FAT3: variants seen among roughly 807,000 people sequenced by gnomAD.
The protein encoded by FAT3 is FAT atypical cadherin 3, also known as protocadherin Fat 3.
Under a neutral mutation model 310.2 loss-of-function variants are expected in FAT3, and 95 were observed. That is an observed-to-expected ratio of 0.31 (90% confidence interval 0.26 to 0.36). FAT3 has a LOEUF of 0.36. Ranked by LOEUF, FAT3 falls within the 10% of genes least tolerant of loss-of-function variation. The pLI is 1.00. For missense variants in FAT3, 5,408 were observed against 5,715.6 expected (o/e 0.95, Z 1.74); for synonymous variants, 2,314 against 2,192.9 (o/e 1.06, Z -1.54).
At chr11:92,302,096 A>T (rs1350671675) in intron 1 of FAT3, among the ~76,000 whole-genome samples, 1 of 152,150 alleles carries the variant, frequency 6.6e-6, no homozygotes, top group Non-Finnish European at 1.5e-5. Context: ...ATATGTATAT[A>T]CATACTCATG....
intron 2 of FAT3, among the ~76,000 whole-genome samples, chr11:92,512,433 T>C (rs1028409536): frequency 3.3e-5 from 5 of 150,516 alleles, no homozygotes; most frequent in Admixed American, 2.0e-4. Context: ...CAAAATGACT[T>C]TCCTAGTAAA....
intron 1 of FAT3, among the ~76,000 whole-genome samples, chr11:92,351,013 C>T (rs1948549584): frequency 6.6e-6 from 1 of 152,120 alleles, no homozygotes; most frequent in Admixed American, 6.5e-5. Context: ...ATTGATTTTA[C>T]TGGCTAAAAT....
At position 92,503,630 on chromosome 11, in the gene FAT3, T is replaced by G. The variant is rs576449497; in HGVS notation, c.3293-21004T>G. On this transcript the variant is annotated intron_variant, in intron 2 of 27. Transcript: ENST00000525166. ...TCTAGAATCAATCTCTCAACCTCTC[T>G]CTTTCTTTTGTTCTCACACAAACAT... Among the ~76,000 whole-genome samples the G allele has an allele frequency of 2.0e-5, 3 of 152,246 alleles. No homozygotes were observed. In the South Asian group the frequency reaches 6.2e-4, roughly 32 times the overall value.
chr11:92,798,988 C>T lies in FAT3; in HGVS notation c.5975C>T (p.Ser1992Leu). 1 of 1,613,928 alleles carries T rather than the reference C, an allele frequency of 6.2e-7. No homozygotes were observed. Among genetic ancestry groups the T allele is most frequent in the Non-Finnish European group, 8.5e-7 (1 of 1,179,866 alleles). The change falls in exon 10 of 28, where the codon TCA (serine) becomes TTA (leucine). Residue 1992 changes from serine to leucine, a missense_variant. Ser to Leu is a moderately radical substitution (Grantham distance 145, BLOSUM62 -2). Around this residue, in one of 5 missense-constraint regions of FAT3, gnomAD observed 4,588 missense variants for 4,809.8 expected, o/e 0.95. Coordinates refer to ENST00000525166, the MANE Select transcript of FAT3 (RefSeq NM_001367949.2). ...CAAAGCTTCTATTCCACCTCAATCT[C>T]AGAGAACAACACTAACATAACCAAA... Reference protein sequence around the residue: ...FTQSFYSTSISENNTNITKVA... With the variant: ...FTQSFYSTSILENNTNITKVA...
chr11:92,507,776 C>T (rs1444900733), intron 2 of FAT3, among the ~76,000 whole-genome samples: 5 of 151,798 alleles, frequency 3.3e-5, no homozygotes, highest in African/African-American at 1.2e-4. Flanking sequence ...CACATATACA[C>T]ACATCCTATA....
intron 2 of FAT3, among the ~76,000 whole-genome samples, chr11:92,411,120 ATTTATAT>A (rs2134919715): frequency 7.8e-6 from 1 of 128,388 alleles, no homozygotes; most frequent in Non-Finnish European, 1.6e-5. Flanking sequence ...AAATATATAT[ATTTATAT>A]ATTATATATT....
At chr11:92,682,734 A>G (rs749292712) in intron 3 of FAT3, among the ~76,000 whole-genome samples, 1 of 152,166 alleles carries the variant, frequency 6.6e-6, no homozygotes, top group Non-Finnish European at 1.5e-5. Flanking sequence ...TGGTCACCCA[A>G]CAAATGTGTT....
intron 2 of FAT3, among the ~76,000 whole-genome samples, chr11:92,453,524 G>A (rs547725835): frequency 1.3e-5 from 2 of 151,690 alleles, no homozygotes; most frequent in South Asian, 2.1e-4. Flanking sequence ...TAAAAGTCAC[G>A]TGGGATCAAA....
intron 3 of FAT3, among the ~76,000 whole-genome samples, chr11:92,593,312 A>G (rs559149133): frequency 2.0e-5 from 3 of 152,198 alleles, no homozygotes; most frequent in South Asian, 4.1e-4. Context: ...TCTTTTGGGC[A>G]TATACCCAGA....
At chr11:92,518,098 A>G (rs1953548270) in intron 2 of FAT3, among the ~76,000 whole-genome samples, 1 of 151,994 alleles carries the variant, frequency 6.6e-6, no homozygotes, top group Admixed American at 6.6e-5. Context: ...TGAGCCAAAT[A>G]ATGCTAGAAA....
chr11:92,663,273 T>C (rs1013272993), intron 3 of FAT3, among the ~76,000 whole-genome samples: 2 of 152,162 alleles, frequency 1.3e-5, no homozygotes, highest in African/African-American at 4.8e-5. Flanking sequence ...TTTTCTGTCT[T>C]GAGCATTCAG....
At chr11:92,575,390 G>A (rs192391957) in intron 3 of FAT3, among the ~76,000 whole-genome samples, 88 of 152,176 alleles carry the variant, frequency 5.8e-4, no homozygotes, top group Non-Finnish European at 1.0e-3. Flanking sequence ...ATAATAATAC[G>A]TTGTATATGA....
chr11:92,337,830 T>C (rs937549962), intron 1 of FAT3, among the ~76,000 whole-genome samples: 1 of 152,230 alleles, frequency 6.6e-6, no homozygotes, highest in African/African-American at 2.4e-5. Context: ...AAATTCCTTA[T>C]TAATATCATT....
chr11:92,490,338 A>G (rs544960453), intron 2 of FAT3, among the ~76,000 whole-genome samples: 2 of 152,168 alleles, frequency 1.3e-5, no homozygotes, highest in East Asian at 1.9e-4. Flanking sequence ...AAATATTACT[A>G]CAGTGTTCAC....
chr11:92,490,950 C>T (rs1251686320), intron 2 of FAT3, among the ~76,000 whole-genome samples: 1 of 151,964 alleles, frequency 6.6e-6, no homozygotes, highest in African/African-American at 2.4e-5. Context: ...GGTTTGAACT[C>T]CCATCTTTAT....
intron 1 of FAT3, among the ~76,000 whole-genome samples, chr11:92,310,088 T>C (rs1947259701): frequency 6.6e-6 from 1 of 152,172 alleles, no homozygotes; most frequent in East Asian, 1.9e-4. Context: ...ATGATGTTTA[T>C]TTTAATTTAA....
intron 3 of FAT3, among the ~76,000 whole-genome samples, chr11:92,539,731 G>A (rs1954378961): frequency 6.6e-6 from 1 of 152,062 alleles, no homozygotes; most frequent in African/African-American, 2.4e-5. Flanking sequence ...CTGTGCCCAG[G>A]GTTATTCCAG....
At chr11:92,617,456 C>A (rs1325268103) in intron 3 of FAT3, among the ~76,000 whole-genome samples, 1 of 151,952 alleles carries the variant, frequency 6.6e-6, no homozygotes, top group African/African-American at 2.4e-5. Flanking sequence ...TTTGTTATTA[C>A]CAATCGTCTG....
chr11:92,530,631 A>C (rs1954035538), intron 3 of FAT3, among the ~76,000 whole-genome samples: 1 of 152,170 alleles, frequency 6.6e-6, no homozygotes, highest in African/African-American at 2.4e-5. Context: ...CACTTGTATT[A>C]TTTCCAAATA....
Sources: allele counts gnomAD v4.1 joint callset (sites outside exome capture counted in the v4.1 genomes callset), GRCh38; gene constraint gnomAD v4.1.1; regional missense constraint gnomAD v4.1.1; transcripts MANE v1.5; gene names NCBI Gene and HGNC (gene_info 2026-07-23, HGNC 2026-07-21).